Variants in SEC22C observed in about 807,000 individuals in gnomAD.
SEC22C encodes SEC22 homolog C, vesicle trafficking protein.
SEC22C carries 29 observed loss-of-function variants against 34.7 expected under a neutral mutation model. The ratio of observed to expected loss-of-function variants is 0.84; its 90% CI spans 0.62 to 1.14. SEC22C has a LOEUF of 1.14. Among genes scored for constraint, SEC22C ranks in the 50% most tolerant of loss-of-function variants. SEC22C has a pLI of 0.00. For synonymous variants in SEC22C, 117 were observed against 132.8 expected, an observed-to-expected ratio of 0.88 and a Z score of 0.82; for missense variants, 337 against 369.0, an observed-to-expected ratio of 0.91 and a Z score of 0.71.
chr3:42,562,222 A>G (rs1702966813), intron 3 of SEC22C, among the ~76,000 whole-genome samples: 1 of 152,228 alleles, frequency 6.6e-6, no homozygotes, highest in Non-Finnish European at 1.5e-5. Flanking sequence ...ATGAGCAAAC[A>G]TGATGCTGGA....
At chr3:42,553,703 G>A (rs1702364251) in intron 6 of SEC22C, among the ~76,000 whole-genome samples, 1 of 152,222 alleles carries the variant, frequency 6.6e-6, no homozygotes, top group African/African-American at 2.4e-5. Context: ...TCTGAAAGAA[G>A]TTAAAGAAAT....
At chr3:42,591,494 GCACTGA>G (rs778180424) in intron 1 of SEC22C, 1 of 1,569,716 alleles carries the variant, frequency 6.4e-7, no homozygotes, top group Non-Finnish European at 8.8e-7. Context: ...CGCCCGGCCT[GCACTGA>G]CCCTTTCTTT....
intron 1 of SEC22C, among the ~76,000 whole-genome samples, chr3:42,574,086 A>T (rs1380150022): frequency 2.6e-5 from 4 of 152,210 alleles, no homozygotes; most frequent in African/African-American, 9.7e-5. Context: ...AAGACAAAGA[A>T]AAAATCTTGA....
At chr3:42,564,031 T>C in intron 2 of SEC22C, 1 of 972,030 alleles carries the variant, frequency 1.0e-6, no homozygotes, top group Non-Finnish European at 1.4e-6. Context: ...GATTTCCTAA[T>C]GTTAAATGAT....
intron 1 of SEC22C, among the ~76,000 whole-genome samples, chr3:42,572,215 G>C (rs1375385693): frequency 9.7e-6 from 1 of 103,234 alleles, no homozygotes; most frequent in South Asian, 2.8e-4. Flanking sequence ...AATGGGTACA[G>C]ACCAAAAAAA....
At chr3:42,571,458 A>AT (rs1703622417) in intron 1 of SEC22C, among the ~76,000 whole-genome samples, 1 of 152,176 alleles carries the variant, frequency 6.6e-6, no homozygotes, top group African/African-American at 2.4e-5. Flanking sequence ...GTTTGTGTGT[A>AT]TTTGTGAGTG....
chr3:42,595,723 A>G (rs1705009173), intron 1 of SEC22C, among the ~76,000 whole-genome samples: 1 of 152,254 alleles, frequency 6.6e-6, no homozygotes, highest in Non-Finnish European at 1.5e-5. Context: ...CAAAATTAGA[A>G]GCCCAGGTCC....
At chr3:42,567,933 G>A (rs574088519) in intron 2 of SEC22C, among the ~76,000 whole-genome samples, 6 of 152,164 alleles carry the variant, frequency 3.9e-5, no homozygotes, top group African/African-American at 1.4e-4. Flanking sequence ...TTAGCCGGGC[G>A]TGGTGGTAGG....
intron 5 of SEC22C, among the ~76,000 whole-genome samples, chr3:42,556,323 G>A (rs917913574): frequency 2.6e-5 from 4 of 152,204 alleles, no homozygotes; most frequent in South Asian, 2.1e-4. Flanking sequence ...AGGCACTGCC[G>A]CCTCTTTAGG....
At chr3:42,591,201 CTTTTT>C (rs71616053) in intron 1 of SEC22C, 40 of 488,868 alleles carry the variant, frequency 8.2e-5, no homozygotes, top group Middle Eastern at 1.1e-3. Flanking sequence ...CCTTTCTCTC[CTTTTT>C]TTTTTTTTTT....
chr3:42,559,046 T>G (rs1209826289), intron 4 of SEC22C, among the ~76,000 whole-genome samples: 1 of 152,244 alleles, frequency 6.6e-6, no homozygotes, highest in Non-Finnish European at 1.5e-5. Flanking sequence ...GGTTACAAGC[T>G]GTTTCTAGAA....
chr3:42,589,061 A>C (rs1196278939), intron 1 of SEC22C, among the ~76,000 whole-genome samples: 2 of 152,014 alleles, frequency 1.3e-5, no homozygotes, highest in Non-Finnish European at 2.9e-5. Flanking sequence ...TCAGGAGTTC[A>C]AGACTAGCCT....
upstream of SEC22C, chr3:42,582,145 G>C (rs1704423628): frequency 6.6e-6 from 1 of 152,250 alleles, no homozygotes; most frequent in Admixed American, 6.5e-5. Context: ...GAGGGAGTGT[G>C]ACGGGGGCGC....
At chr3:42,574,363 C>CAAAA (rs202174342) in intron 1 of SEC22C, among the ~76,000 whole-genome samples, 6 of 87,876 alleles carry the variant, frequency 6.8e-5, no homozygotes, top group Admixed American at 2.8e-4. Flanking sequence ...GACCCTGTCT[C>CAAAA]AAAAAAAAAA....
At chr3:42,557,121 T>C (rs1008556667) in intron 5 of SEC22C, among the ~76,000 whole-genome samples, 1 of 152,206 alleles carries the variant, frequency 6.6e-6, no homozygotes, top group Admixed American at 6.5e-5. Flanking sequence ...AGCAGACCAG[T>C]GAAGGAACTT....
chr3:42,568,356 G>A (rs1374477142), intron 2 of SEC22C, among the ~76,000 whole-genome samples: 4 of 152,028 alleles, frequency 2.6e-5, no homozygotes, highest in Non-Finnish European at 4.4e-5. Context: ...AAGAGGTGGA[G>A]CAGCCACGGC....
At chr3:42,594,586 T>C in intron 1 of SEC22C, 1 of 1,287,014 alleles carries the variant, frequency 7.8e-7, no homozygotes, top group Non-Finnish European at 1.1e-6. Flanking sequence ...TCTTACAAAA[T>C]GGAGACAGGG....
intron 3 of SEC22C, 64 bp from the exon 4 acceptor site, chr3:42,561,360 T>C: frequency 4.0e-6 from 6 of 1,514,938 alleles, no homozygotes; most frequent in Non-Finnish European, 5.5e-6. Context: ...AGACAATACG[T>C]ACAAAATGAA....
rs895004556 is a variant in SEC22C, at chr3:42,590,841, G to GC, written c.-28+10118dup. 626 of 1,570,650 alleles carry GC rather than the reference G, an allele frequency of 4.0e-4. 2 individuals carry two copies. Among genetic ancestry groups the GC allele is most frequent in the Non-Finnish European group, 4.6e-4 (523 of 1,140,460 alleles). On this transcript the variant is annotated intron_variant, in intron 1 of 6. Transcript: ENST00000417572. ...CATCCAATCAACTTCGAGAGCGTAG[G>GC]CCCCACCTATCGTGGGTCGAGTTGC... is the stretch of plus-strand genomic sequence containing the variant.
Sources: allele counts gnomAD v4.1 joint callset (sites outside exome capture counted in the v4.1 genomes callset), GRCh38; gene constraint gnomAD v4.1.1; transcripts MANE v1.5; gene names NCBI Gene and HGNC (gene_info 2026-07-23, HGNC 2026-07-21).